Variants in KIAA0232 observed in about 807,000 individuals in gnomAD.
KIAA0232 encodes the protein uncharacterized protein KIAA0232.
Under a neutral mutation model 122.0 loss-of-function variants are expected in KIAA0232, and 27 were observed. The observed-to-expected ratio is 0.22, with a 90% CI of 0.16 to 0.31. The LOEUF is 0.31. Ranked by LOEUF, KIAA0232 falls within the 10% of genes least tolerant of loss-of-function variation. The probability of loss-of-function intolerance (pLI) is 1.00; values close to 1 mark genes in which losing one functional copy is unlikely to be tolerated. For missense variants in KIAA0232, 1,551 were observed against 1,634.2 expected, an observed-to-expected ratio of 0.95 and a Z score of 0.88; for synonymous variants, 613 against 587.6, an observed-to-expected ratio of 1.04 and a Z score of -0.63.
chr4:6,838,388 A>C (rs6821230), intron 3 of KIAA0232, among the ~76,000 whole-genome samples: 131,386 of 152,032 alleles, frequency 0.86, 57,098 homozygotes, highest in Non-Finnish European at 0.91. Context: ...AGAGTTTCAC[A>C]ATGTTGGCCA....
chr4:6,883,723 G>A lies in KIAA0232; in HGVS notation c.*2757G>A, dbSNP rs1260095489. 2.6e-5 allele frequency: 4 copies of A among 152,138 alleles called. No individual in the cohort carries two copies. Among genetic ancestry groups the A allele is most frequent in the Non-Finnish European group, 5.9e-5 (4 of 68,030 alleles). 9.4% of individuals were successfully genotyped at this position (152,138 alleles called of 1,614,324 possible). A position where few individuals can be genotyped will look rare whatever the true frequency, so the allele number is the denominator to read the frequency against. The stretch of plus-strand genomic sequence containing the variant: ...TAAATCTTTATATGTTAATATGATT[G>A]ATATTCATTGTGCAAAAAAAATCAG... On this transcript the variant is annotated 3_prime_UTR_variant, in exon 10 of 10. Coordinates refer to ENST00000307659, the MANE Select transcript of KIAA0232 (RefSeq NM_014743.3).
chr4:6,819,895 A>T (rs142666170), intron 2 of KIAA0232, among the ~76,000 whole-genome samples: 1 of 152,158 alleles, frequency 6.6e-6, no homozygotes, highest in South Asian at 2.1e-4. Flanking sequence ...GTACATATAT[A>T]CCATGGAATA....
chr4:6,837,789 C>T (rs1719403646), intron 3 of KIAA0232, among the ~76,000 whole-genome samples: 1 of 152,172 alleles, frequency 6.6e-6, no homozygotes, highest in Admixed American at 6.5e-5. Flanking sequence ...CGGCGCGTGC[C>T]AGCAATCCCA....
intron 2 of KIAA0232, among the ~76,000 whole-genome samples, chr4:6,815,564 G>A (rs2108993892): frequency 6.6e-6 from 1 of 152,298 alleles, no homozygotes; most frequent in East Asian, 1.9e-4. Context: ...TTATGGTACA[G>A]GAAGAAGCCA....
At chr4:6,844,066 A>G (rs966879045) in intron 4 of KIAA0232, among the ~76,000 whole-genome samples, 10 of 148,510 alleles carry the variant, frequency 6.7e-5, no homozygotes, top group African/African-American at 1.5e-4. Context: ...CAGCCTCCTG[A>G]ATAGCTGGGA....
At chr4:6,787,056 C>CT (rs1716656098) in intron 1 of KIAA0232, among the ~76,000 whole-genome samples, 1 of 151,766 alleles carries the variant, frequency 6.6e-6, no homozygotes, top group African/African-American at 2.4e-5. Flanking sequence ...TGGAGCACGC[C>CT]TATAGTCCCA....
intron 3 of KIAA0232, among the ~76,000 whole-genome samples, chr4:6,825,945 C>T (rs1718656407): frequency 6.6e-6 from 1 of 152,142 alleles, no homozygotes; most frequent in Admixed American, 6.5e-5. Context: ...CAGAGGATTT[C>T]ACCAAGATGC....
At chr4:6,794,349 T>C (rs1717039472) in intron 1 of KIAA0232, among the ~76,000 whole-genome samples, 1 of 152,200 alleles carries the variant, frequency 6.6e-6, no homozygotes, top group African/African-American at 2.4e-5. Context: ...GTCAGTGCTG[T>C]TGTGGTTCTG....
At position 6,842,156 on chromosome 4, in the gene KIAA0232, A is replaced by C; in HGVS notation, c.321A>C (p.Glu107Asp). Residue 107 changes from glutamate (E) to aspartate (D), a missense_variant, in exon 4 of 10, where the codon GAA becomes GAC. By Grantham distance (45) the Glu-to-Asp change is conservative. Transcript: ENST00000307659. Reference sequence around the variant, plus strand: ...AATGTTCAGATCTAACTCTAGAAGAAATGAAAAAACAGGCTGCTGTCCAGT... The same window carrying C: ...AATGTTCAGATCTAACTCTAGAAGACATGAAAAAACAGGCTGCTGTCCAGT... Reference protein sequence around the residue: ...KKKCSDLTLEEMKKQAAVQCL... With the variant: ...KKKCSDLTLEDMKKQAAVQCL... 1 of 1,610,660 alleles carries C rather than the reference A, an allele frequency of 6.2e-7. No individual in the cohort carries two copies. The highest frequency in any genetic ancestry group is 8.5e-7 in the Non-Finnish European group (1 of 1,179,062).
rs1244530008 is a variant in KIAA0232, at chr4:6,863,314, C to G, written c.2932C>G (p.Pro978Ala). 5 of 1,613,980 alleles carry G rather than the reference C, an allele frequency of 3.1e-6. No individual in the cohort carries two copies. The highest frequency in any genetic ancestry group is 1.3e-5 in the African/African-American group (1 of 74,898). ...AGCTGGTACAGATGTCTTTATGACC[C>G]CAGGAAACAGTTTTGCTCCTGGGCA... is the stretch of plus-strand genomic sequence containing the variant. Reference protein sequence around the residue: ...TIAGTDVFMTPGNSFAPGHRQ... With the variant: ...TIAGTDVFMTAGNSFAPGHRQ... Residue 978 changes from proline to alanine, a missense_variant, in exon 7 of 10, where the codon CCA (proline) becomes GCA (alanine). This residue lies in a region of KIAA0232 where 1,108 missense variants were observed against 1,154.8 expected (regional missense o/e 0.96). Coordinates refer to ENST00000307659, the MANE Select transcript of KIAA0232 (RefSeq NM_014743.3).
chr4:6,858,388 A>T (rs1720673209), intron 5 of KIAA0232, 37 bp from the exon 6 acceptor site: 2 of 1,284,212 alleles, frequency 1.6e-6, no homozygotes, highest in African/African-American at 3.0e-5. Context: ...TTAACTAGAT[A>T]TAAGACAAAT....
At chr4:6,874,972 C>T (rs1721675244) in intron 8 of KIAA0232, among the ~76,000 whole-genome samples, 1 of 152,200 alleles carries the variant, frequency 6.6e-6, no homozygotes, top group African/African-American at 2.4e-5. Context: ...GGCCTGCCTG[C>T]CTCTGAGCTA....
chr4:6,815,598 A>G (rs1370951154), intron 2 of KIAA0232, among the ~76,000 whole-genome samples: 2 of 152,172 alleles, frequency 1.3e-5, no homozygotes, highest in African/African-American at 4.8e-5. Context: ...GCTTCTGTCT[A>G]AAAACCCCAG....
chr4:6,796,486 C>T (rs1717140253), intron 1 of KIAA0232, among the ~76,000 whole-genome samples: 1 of 152,226 alleles, frequency 6.6e-6, no homozygotes, highest in South Asian at 2.1e-4. Context: ...AGGTGATCTG[C>T]CTGCCTTGGC....
At chr4:6,872,023 GAAAGC>G (rs1224945698) in intron 8 of KIAA0232, among the ~76,000 whole-genome samples, 2 of 152,230 alleles carry the variant, frequency 1.3e-5, no homozygotes, top group African/African-American at 2.4e-5. Context: ...GCCGCCAGGG[GAAAGC>G]ACAGGGCTCC....
At chr4:6,794,918 CT>C (rs1717063858) in intron 1 of KIAA0232, among the ~76,000 whole-genome samples, 1 of 152,022 alleles carries the variant, frequency 6.6e-6, no homozygotes, top group Admixed American at 6.6e-5. Flanking sequence ...TGTCTAGTAG[CT>C]TGGTAGCATT....
At chr4:6,800,109 G>T (rs1231641356) in intron 1 of KIAA0232, among the ~76,000 whole-genome samples, 1 of 120,232 alleles carries the variant, frequency 8.3e-6, no homozygotes, top group Non-Finnish European at 1.6e-5. Flanking sequence ...CCCGGTTAGA[G>T]TGCAGTGGCA....
chr4:6,795,862 G>T (rs1359341695), intron 1 of KIAA0232, among the ~76,000 whole-genome samples: 4 of 152,122 alleles, frequency 2.6e-5, no homozygotes, highest in Non-Finnish European at 4.4e-5. Context: ...AAGTGCTGGG[G>T]TTACAGGAAT....
intron 3 of KIAA0232, among the ~76,000 whole-genome samples, chr4:6,839,019 C>T (rs368121396): frequency 1.3e-5 from 2 of 152,094 alleles, no homozygotes; most frequent in African/African-American, 4.8e-5. Context: ...ATCCCAGCTA[C>T]TCAGGCTAAG....
Sources: gnomAD v4.1 joint callset for allele counts (sites outside exome capture counted in the v4.1 genomes callset) on GRCh38, gnomAD v4.1.1 for gene constraint, gnomAD v4.1.1 regional missense constraint, MANE v1.5 for transcripts, NCBI Gene and HGNC (gene_info 2026-07-23, HGNC 2026-07-21) for gene names.